The following GLI3 variants were observed in gnomAD, a reference collection of about 807,000 sequenced individuals.
GLI3 encodes the protein GLI family zinc finger 3.
GLI3 carries 20 observed loss-of-function variants against 100.8 expected under a neutral mutation model. The ratio of observed to expected loss-of-function variants is 0.20; its 90% CI spans 0.14 to 0.29. The LOEUF (loss-of-function observed/expected upper bound fraction) is 0.29, where lower values mean the gene tolerates loss of function less well. Among genes scored for constraint, GLI3 ranks in the 10% least tolerant of loss-of-function variants. GLI3 has a pLI of 1.00. For synonymous variants in GLI3, 938 were observed against 860.5 expected, an observed-to-expected ratio of 1.09 and a Z score of -1.58; for missense variants, 2,040 against 2,128.5, an observed-to-expected ratio of 0.96 and a Z score of 0.82.
chr7:41,966,164 A>T lies in GLI3; in HGVS notation c.2909T>A (p.Leu970Gln). 1.9e-6 allele frequency: 3 copies of T among 1,600,248 alleles called. No individual in the cohort carries two copies. Among genetic ancestry groups the T allele is most frequent in the Non-Finnish European group, 2.6e-6 (3 of 1,176,472 alleles). ...CCTCCTCGGGGCATGAACTGGAGGC[A>T]GGGCCACGCCAGGCTCGAGGGCATC... is the stretch of plus-strand genomic sequence containing the variant. ...LGDALEPGVA[L>Q]PPVHAPRRCS... Residue 970 changes from leucine (L) to glutamine (Q), a missense_variant, in exon 15 of 15, where the codon CTG becomes CAG. Leu to Gln is a moderately radical substitution (Grantham distance 113). This residue lies in a region of GLI3 where 1,041 missense variants were observed against 924.0 expected (regional missense o/e 1.13). Transcript: ENST00000395925. This position sits in a 1 kb window ranked among gnomAD's most constrained non-coding sequence, Gnocchi z 5.8.
At chr7:42,139,649 A>G (rs1406418691) in intron 3 of GLI3, among the ~76,000 whole-genome samples, 1 of 152,228 alleles carries the variant, frequency 6.6e-6, no homozygotes, top group Admixed American at 6.5e-5. Context: ...ATTGCACTCC[A>G]GCCTGGGCAA....
chr7:42,155,871 C>A (rs1372973146), intron 2 of GLI3, among the ~76,000 whole-genome samples: 1 of 152,110 alleles, frequency 6.6e-6, no homozygotes, highest in Non-Finnish European at 1.5e-5. Context: ...ATAACACTAT[C>A]AGCTTGTCTG....
chr7:42,061,312 G>A (rs1045961563), intron 4 of GLI3, among the ~76,000 whole-genome samples: 5 of 152,096 alleles, frequency 3.3e-5, no homozygotes, highest in African/African-American at 1.2e-4. Flanking sequence ...TCATCTTCTA[G>A]CTAGTATAAA....
chr7:42,046,848 A>G (rs1290215732), intron 5 of GLI3, among the ~76,000 whole-genome samples: 1 of 152,192 alleles, frequency 6.6e-6, no homozygotes, highest in East Asian at 1.9e-4. Flanking sequence ...TTCATATTTG[A>G]TTTTTATTTT....
chr7:42,068,863 A>AAG (rs1254208833), intron 4 of GLI3, among the ~76,000 whole-genome samples: 1 of 152,194 alleles, frequency 6.6e-6, no homozygotes, highest in Non-Finnish European at 1.5e-5. Flanking sequence ...ACCTAACCTC[A>AAG]AAGTGTCTTC....
chr7:42,145,722 G>T (rs547534936), intron 3 of GLI3: 14 of 397,542 alleles, frequency 3.5e-5, no homozygotes, highest in Non-Finnish European at 5.3e-5. Context: ...ATGATGAGGA[G>T]GAGGAGGATG....
chr7:42,087,393 C>G, intron 3 of GLI3, among the ~76,000 whole-genome samples: 1 of 152,152 alleles, frequency 6.6e-6, no homozygotes, highest in Admixed American at 6.5e-5. Flanking sequence ...AAGGCAGCTT[C>G]CAGCCTGACC....
rs1313191656 is a variant in GLI3, at chr7:41,968,749, A to AAAG, written c.2104-829_2104-827dup. 1.3e-4 allele frequency among the ~76,000 whole-genome samples: 18 copies of AAAG among 136,762 alleles called. 1 individual carries two copies. Among genetic ancestry groups the AAAG allele is most frequent in the African/African-American group, 4.9e-4 (15 of 30,500 alleles). 89.7% of individuals were successfully genotyped at this position (136,762 alleles called of 152,430 possible). A position where few individuals can be genotyped will look rare whatever the true frequency, so the allele number is the denominator to read the frequency against. The stretch of plus-strand genomic sequence containing the variant: ...GAAAGAAAGAAAGAAAGAAAGAAAG[A>AAAG]AAGAAAGAAAGAAGGAAAGAAAGAA... On this transcript the variant is annotated intron_variant, in intron 13 of 14. Coordinates refer to ENST00000395925, the MANE Select transcript of GLI3 (RefSeq NM_000168.6).
At chr7:42,088,047 GA>G (rs968692676) in intron 3 of GLI3, among the ~76,000 whole-genome samples, 1 of 152,044 alleles carries the variant, frequency 6.6e-6, no homozygotes, top group Non-Finnish European at 1.5e-5. Context: ...TGCTTAGAAA[GA>G]AAAAAATCCA....
At chr7:42,182,049 G>A (rs1404982189) in intron 2 of GLI3, among the ~76,000 whole-genome samples, 1 of 151,972 alleles carries the variant, frequency 6.6e-6, no homozygotes, top group African/African-American at 2.4e-5. Flanking sequence ...TAGGTTCCTG[G>A]GGCCCTACGA....
At chr7:42,172,413 C>T in intron 2 of GLI3, 1 of 612,434 alleles carries the variant, frequency 1.6e-6, no homozygotes, top group Non-Finnish European at 2.9e-6. Flanking sequence ...GCTGGCATTT[C>T]TATCAAAAAG....
In GLI3 at chr7:41,963,021, A is replaced by G. The variant is rs1424898917; in HGVS notation, c.*1309T>C. 1 of 152,258 alleles carries G rather than the reference A, an allele frequency of 6.6e-6. No individual in the cohort carries two copies. Among genetic ancestry groups the G allele is most frequent in the Non-Finnish European group, 1.5e-5 (1 of 68,046 alleles). The allele number at this position is 152,258 out of a possible 1,614,324, so 9.4% of individuals were successfully genotyped here. On this transcript the variant is annotated 3_prime_UTR_variant, in exon 15 of 15. Transcript: ENST00000395925. ...ATGTTTTAATCCAAAACAAAAGTAC[A>G]GATCCAGTCCACATTAAGGACTAAC... is the stretch of plus-strand genomic sequence containing the variant.
intron 10 of GLI3, among the ~76,000 whole-genome samples, chr7:42,020,188 A>C (rs1329768148): frequency 2.6e-5 from 4 of 152,248 alleles, no homozygotes; most frequent in Admixed American, 1.3e-4. Context: ...AGTGCATTAC[A>C]GTGGAAATCA....
intron 8 of GLI3, 115 bp downstream of exon 8, chr7:42,026,084 T>C: frequency 1.4e-6 from 1 of 727,854 alleles, no homozygotes; most frequent in South Asian, 1.5e-5. Flanking sequence ...GACAGGATGC[T>C]AGTACAGAGG....
chr7:42,132,342 C>T (rs1197458263), intron 3 of GLI3, among the ~76,000 whole-genome samples: 6 of 152,168 alleles, frequency 3.9e-5, no homozygotes, highest in East Asian at 1.9e-4. Flanking sequence ...CCTCCTGATC[C>T]GCCCGCCTTG....
At chr7:42,075,013 CG>C (rs779773422) in intron 4 of GLI3, among the ~76,000 whole-genome samples, 8 of 152,078 alleles carry the variant, frequency 5.3e-5, no homozygotes, top group Non-Finnish European at 8.8e-5. Context: ...CCAGATGTGA[CG>C]CATCTTGTCT....
rs910959622 is a variant in GLI3, at chr7:42,167,946, G to C, written c.125-19478C>G. On this transcript the variant is annotated intron_variant, in intron 2 of 14. Coordinates refer to ENST00000395925, the MANE Select transcript of GLI3 (RefSeq NM_000168.6). ...CTCAACTCATGCATGCACATGGCCTGAATCCAATTTCTTACCCCAAAGATT... is the reference window on the plus strand; with the variant it reads ...CTCAACTCATGCATGCACATGGCCTCAATCCAATTTCTTACCCCAAAGATT... 3.3e-5 allele frequency among the ~76,000 whole-genome samples: 5 copies of C among 152,174 alleles called. No individual in the cohort carries two copies. The East Asian group carries it at 9.6e-4, about 29-fold the overall frequency.
At chr7:42,247,056 A>T (rs766612758) in intron 1 of GLI3, among the ~76,000 whole-genome samples, 5 of 152,002 alleles carry the variant, frequency 3.3e-5, no homozygotes, top group Non-Finnish European at 7.4e-5. Flanking sequence ...AGATAGATGC[A>T]GTTGTTTTAT....
intron 10 of GLI3, among the ~76,000 whole-genome samples, chr7:41,981,301 G>T (rs1787661489): frequency 6.6e-6 from 1 of 152,216 alleles, no homozygotes; most frequent in African/African-American, 2.4e-5. Flanking sequence ...GGGTTAGCTT[G>T]CCAGGGCTCA....
Sources: allele counts gnomAD v4.1 joint callset (sites outside exome capture counted in the v4.1 genomes callset), GRCh38; gene constraint gnomAD v4.1.1; regional missense constraint gnomAD v4.1.1; non-coding constraint Gnocchi (gnomAD v3.1); transcripts MANE v1.5; gene names NCBI Gene and HGNC (gene_info 2026-07-23, HGNC 2026-07-21).